The following MAGI1 variants were observed in gnomAD, a reference collection of about 807,000 sequenced individuals.
The protein encoded by MAGI1 is membrane associated guanylate kinase, WW and PDZ domain containing 1, also known as membrane-associated guanylate kinase, WW and PDZ domain-containing protein 1.
In MAGI1, 58 loss-of-function variants were observed where a neutral mutation model predicts 139.9. That is an observed-to-expected ratio of 0.41 (90% CI 0.34 to 0.52). The LOEUF (loss-of-function observed/expected upper bound fraction) is 0.52. Ranked by LOEUF, MAGI1 falls within the 20% of genes least tolerant of loss-of-function variation. The pLI is 0.12. For synonymous variants in MAGI1, 812 were observed against 737.9 expected, an observed-to-expected ratio of 1.10 and a Z score of -1.63; for missense variants, 1,874 against 1,901.6, an observed-to-expected ratio of 0.99 and a Z score of 0.27.
chr3:65,505,513 C>T (rs1330019681), intron 2 of MAGI1, among the ~76,000 whole-genome samples: 1 of 151,732 alleles, frequency 6.6e-6, no homozygotes, highest in Non-Finnish European at 1.5e-5. Context: ...GATATAGTGG[C>T]ACGTGCCTGT....
chr3:65,704,324 C>T (rs1240420858), intron 1 of MAGI1, among the ~76,000 whole-genome samples: 1 of 152,198 alleles, frequency 6.6e-6, no homozygotes, highest in Non-Finnish European at 1.5e-5. Flanking sequence ...TTCTTAGACA[C>T]AGTTGTTACC....
chr3:65,438,913 G>C (rs1227452318), intron 9 of MAGI1, among the ~76,000 whole-genome samples: 2 of 152,128 alleles, frequency 1.3e-5, no homozygotes, highest in African/African-American at 4.8e-5. Flanking sequence ...AAATCACGAA[G>C]CCTAAAATCT....
At chr3:65,917,457 C>T (rs2061958859) in intron 1 of MAGI1, among the ~76,000 whole-genome samples, 2 of 152,156 alleles carry the variant, frequency 1.3e-5, no homozygotes, top group South Asian at 4.1e-4. Flanking sequence ...CCTTGGTATT[C>T]AGCAAAGGAG....
At chr3:65,532,645 T>C (rs890546308) in intron 2 of MAGI1, 3 of 152,236 alleles carry the variant, frequency 2.0e-5, no homozygotes, top group Admixed American at 1.3e-4. Context: ...AAAAATGCAA[T>C]TAACAAGAGA....
chr3:65,740,901 A>C (rs2035204261), intron 1 of MAGI1, among the ~76,000 whole-genome samples: 2 of 152,210 alleles, frequency 1.3e-5, no homozygotes, highest in Admixed American at 6.5e-5. Flanking sequence ...TTCAGCCATT[A>C]ACTTTGAGAT....
intron 1 of MAGI1, among the ~76,000 whole-genome samples, chr3:65,754,700 A>G (rs1045731949): frequency 1.3e-5 from 2 of 152,212 alleles, no homozygotes; most frequent in Non-Finnish European, 2.9e-5. Context: ...GTTTTCAAAT[A>G]GTTTATTCTC....
At chr3:65,656,809 C>T (rs942697879) in intron 1 of MAGI1, among the ~76,000 whole-genome samples, 8 of 151,634 alleles carry the variant, frequency 5.3e-5, no homozygotes, top group African/African-American at 1.9e-4. Context: ...ACCAGCTTGG[C>T]CAACATGGTG....
At chr3:65,695,187 G>C (rs991308427) in intron 1 of MAGI1, among the ~76,000 whole-genome samples, 1 of 152,204 alleles carries the variant, frequency 6.6e-6, no homozygotes, top group Non-Finnish European at 1.5e-5. Flanking sequence ...AAGAGGGTCA[G>C]AGAGAACTGA....
chr3:65,941,720 AT>A (rs1260525279), intron 1 of MAGI1, among the ~76,000 whole-genome samples: 2 of 152,186 alleles, frequency 1.3e-5, no homozygotes, highest in African/African-American at 4.8e-5. Context: ...AGAAAATAAC[AT>A]CCTCAGAAAT....
rs190621562 is a variant in MAGI1 at position 65,719,812 on chromosome 3, G to T, written c.314-97724C>A. Among the ~76,000 whole-genome samples the T allele has an allele frequency of 2.1e-3, 324 of 152,264 alleles. 2 individuals are homozygous for T. The highest frequency in any genetic ancestry group is 3.6e-3 in the Non-Finnish European group (247 of 68,022). ...TCCATCTGCCTTGCTCTCCCAAAGT[G>T]CTGGGATTACAGGCATGAGTCACTG... On this transcript the variant is annotated intron_variant, in intron 1 of 22. Transcript: ENST00000402939.
At chr3:65,842,509 G>C (rs1469750932) in intron 1 of MAGI1, among the ~76,000 whole-genome samples, 1 of 152,046 alleles carries the variant, frequency 6.6e-6, no homozygotes, top group Non-Finnish European at 1.5e-5. Flanking sequence ...TTATAGGCAT[G>C]TGCCACCACG....
intron 1 of MAGI1, among the ~76,000 whole-genome samples, chr3:65,662,220 A>T (rs995122384): frequency 6.6e-6 from 1 of 152,200 alleles, no homozygotes; most frequent in South Asian, 2.1e-4. Flanking sequence ...CTCTCCTTCA[A>T]TTAACAAGTA....
Position 65,364,834 on chromosome 3 carries a change from G to A in MAGI1, c.3290+19C>T. ...GTTACTTTTTTCCCCTTTAACAAAG[G>A]AAACCAGTCATGTCTGACCTTGTCT... On this transcript the variant is annotated intron_variant, in intron 19 of 22. Transcript: ENST00000402939. 6.2e-7 allele frequency: 1 copy of A among 1,613,522 alleles called. No homozygotes were observed. Among genetic ancestry groups the A allele is most frequent in the Non-Finnish European group, 8.5e-7 (1 of 1,179,508 alleles).
At chr3:65,563,155 C>A (rs1206977390) in intron 2 of MAGI1, among the ~76,000 whole-genome samples, 4 of 152,098 alleles carry the variant, frequency 2.6e-5, no homozygotes, top group African/African-American at 9.7e-5. Context: ...TAATGGATTC[C>A]AATAAATTTT....
intron 1 of MAGI1, among the ~76,000 whole-genome samples, chr3:65,643,659 A>AAACAAC (rs368421465): frequency 6.7e-6 from 1 of 148,652 alleles, no homozygotes; most frequent in Non-Finnish European, 1.5e-5. Context: ...GGATGAAGGA[A>AAACAAC]AACAACAACA....
intron 1 of MAGI1, among the ~76,000 whole-genome samples, chr3:65,739,375 C>A (rs2035063403): frequency 6.6e-6 from 1 of 152,200 alleles, no homozygotes; most frequent in Non-Finnish European, 1.5e-5. Flanking sequence ...CTGGTTTAAT[C>A]TTCTATCCAG....
intron 1 of MAGI1, among the ~76,000 whole-genome samples, chr3:65,663,645 G>C (rs1339475383): frequency 6.6e-6 from 1 of 152,220 alleles, no homozygotes; most frequent in Non-Finnish European, 1.5e-5. Context: ...GTTCAGGACA[G>C]TGAGCAAGCC....
chr3:65,964,920 A>G (rs1290663805), intron 1 of MAGI1, among the ~76,000 whole-genome samples: 1 of 152,232 alleles, frequency 6.6e-6, no homozygotes, highest in Admixed American at 6.5e-5. Context: ...AATTTCAATA[A>G]GAAACTCTCC....
chr3:65,412,149 A>G (rs1945845873), intron 12 of MAGI1, among the ~76,000 whole-genome samples: 1 of 151,898 alleles, frequency 6.6e-6, no homozygotes, highest in East Asian at 1.9e-4. Context: ...CTATCTCTTT[A>G]CTTCCTCCTC....
Sources: gnomAD v4.1 joint callset for allele counts (sites outside exome capture counted in the v4.1 genomes callset) on GRCh38, gnomAD v4.1.1 for gene constraint, MANE v1.5 for transcripts, NCBI Gene and HGNC (gene_info 2026-07-23, HGNC 2026-07-21) for gene names.